The following CMYA5 variants were observed in gnomAD, a reference collection of about 807,000 sequenced individuals.
CMYA5 encodes cardiomyopathy-associated protein 5.
CMYA5 carries 246 observed loss-of-function variants against 318.9 expected under a neutral mutation model. The ratio of observed to expected loss-of-function variants is 0.77; its 90% confidence interval spans 0.70 to 0.86. The LOEUF (loss-of-function observed/expected upper bound fraction) is 0.86, where lower values mean the gene tolerates loss of function less well. Ranked by LOEUF, CMYA5 falls within the 40% of genes least tolerant of loss-of-function variation. The probability of loss-of-function intolerance (pLI) is 0.00; values close to 1 mark genes in which losing one functional copy is unlikely to be tolerated. For missense variants in CMYA5, 4,589 were observed against 4,678.2 expected (o/e 0.98, Z 0.56); for synonymous variants, 1,641 against 1,729.5 (o/e 0.95, Z 1.27).
chr5:79,757,256 T>A (rs1157814034), intron 6 of CMYA5, among the ~76,000 whole-genome samples: 1 of 152,162 alleles, frequency 6.6e-6, no homozygotes, highest in Non-Finnish European at 1.5e-5. Flanking sequence ...TCCTCTAATT[T>A]GTAAAATATG....
In CMYA5 at chr5:79,730,829, G is replaced by A. The variant is rs1827877414; in HGVS notation, c.2064G>A (p.Gly688=). The A allele has an allele frequency of 2.5e-6, 4 of 1,613,750 alleles. No individual in the cohort carries two copies. Among genetic ancestry groups the A allele is most frequent in the African/African-American group, 1.3e-5 (1 of 74,896 alleles). Residue 688 remains glycine, a synonymous_variant, in exon 2 of 13, where the codon GGG becomes GGA. Transcript: ENST00000446378. ...CAGGAGACGAGGCCTCAGAAAGTGG[G>A]TGTTACACACCAGACTCCACATCTG... The part of the protein sequence containing the change: ...VLSGDEASES[G]CYTPDSTSAS...
Position 79,732,893 on chromosome 5 carries a change from T to C in CMYA5, c.4128T>C (p.Asp1376=). The part of the protein sequence containing the change: ...TRAVKEEIPT[D]SSLITPVDRP... ...CAGTAAAAGAAGAAATCCCAACAGA[T>C]TCATCTCTTATCACTCCTGTAGATC... Residue 1376 remains aspartate, a synonymous_variant, in exon 2 of 13, where the codon GAT becomes GAC. Coordinates refer to ENST00000446378, the MANE Select transcript of CMYA5 (RefSeq NM_153610.5). 1 of 1,613,774 alleles carries C rather than the reference T, an allele frequency of 6.2e-7. No individual in the cohort carries two copies. Among genetic ancestry groups the C allele is most frequent in the Non-Finnish European group, 8.5e-7 (1 of 1,179,814 alleles).
chr5:79,765,899 T>C (rs1379208110), intron 9 of CMYA5, among the ~76,000 whole-genome samples: 1 of 152,178 alleles, frequency 6.6e-6, no homozygotes, highest in African/African-American at 2.4e-5. Flanking sequence ...GCTGAGATGA[T>C]GGGGTTTTCT....
intron 1 of CMYA5, among the ~76,000 whole-genome samples, chr5:79,708,865 C>T (rs545302879): frequency 1.3e-5 from 2 of 152,158 alleles, no homozygotes; most frequent in Non-Finnish European, 2.9e-5. Context: ...ACCTGGGAGG[C>T]GGAGGTTGCA....
intron 1 of CMYA5, among the ~76,000 whole-genome samples, chr5:79,702,233 C>CA (rs1227354597): frequency 4.6e-5 from 7 of 152,130 alleles, no homozygotes; most frequent in Admixed American, 1.3e-4. Flanking sequence ...CCTGTTTTTA[C>CA]AAAAAAATTT....
chr5:79,762,098 A>G (rs1034793944), intron 8 of CMYA5, 141 bp downstream of exon 8: 143 of 908,322 alleles, frequency 1.6e-4, no homozygotes, highest in Non-Finnish European at 8.6e-5. Context: ...ACGATGACTT[A>G]AGCCTGGGGT....
chr5:79,741,030 C>T (rs1828198398), intron 2 of CMYA5, among the ~76,000 whole-genome samples: 1 of 152,082 alleles, frequency 6.6e-6, no homozygotes, highest in Non-Finnish European at 1.5e-5. Flanking sequence ...CATGCACTGC[C>T]ACACTGGGTT....
chr5:79,743,783 T>A (rs1307361577), intron 2 of CMYA5, 44 bp from the exon 3 acceptor site: 5 of 1,070,968 alleles, frequency 4.7e-6, no homozygotes, highest in Admixed American at 2.6e-5. Flanking sequence ...GAAGTTCTCT[T>A]CCTAAATGTC....
intron 1 of CMYA5, among the ~76,000 whole-genome samples, chr5:79,706,475 C>G (rs976005580): frequency 6.6e-6 from 1 of 152,170 alleles, no homozygotes; most frequent in Non-Finnish European, 1.5e-5. Context: ...AGCTAGACAA[C>G]CGGTTAGACC....
chr5:79,735,802 T>A lies in CMYA5; in HGVS notation c.7037T>A (p.Val2346Asp). 6.4e-7 allele frequency: 1 copy of A among 1,551,426 alleles called. No homozygotes were observed. The highest frequency in any genetic ancestry group is 8.6e-7 in the Non-Finnish European group (1 of 1,157,508). Residue 2346 changes from valine to aspartate, a missense_variant, in exon 2 of 13, where the codon GTC becomes GAC. Coordinates refer to ENST00000446378, the MANE Select transcript of CMYA5 (RefSeq NM_153610.5). ...CCTCATGTTACTGATAGTAAAAGAG[T>A]CCAGAAGCCAGCAATCGCTCCTCCA... Reference protein sequence around the residue: ...VPPHVTDSKRVQKPAIAPPSK... With the variant: ...VPPHVTDSKRDQKPAIAPPSK...
chr5:79,730,724 C>G lies in CMYA5; in HGVS notation c.1959C>G (p.Leu653=). The G allele has an allele frequency of 6.2e-7, 1 of 1,613,904 alleles. No individual in the cohort carries two copies. The highest frequency in any genetic ancestry group is 1.1e-5 in the South Asian group (1 of 91,076). Residue 653 remains leucine (L), a synonymous_variant, in exon 2 of 13, where the codon CTC becomes CTG. Coordinates refer to ENST00000446378, the MANE Select transcript of CMYA5 (RefSeq NM_153610.5). ...CAGCCCCTACATCTGAGAGCTCTCT[C>G]TCACCATCCACAACTGAGAAGACTT... ...PAAAPTSESS[L]SPSTTEKTSE...
intron 5 of CMYA5, among the ~76,000 whole-genome samples, chr5:79,750,389 C>A (rs1828407481): frequency 6.6e-6 from 1 of 152,110 alleles, no homozygotes; most frequent in Admixed American, 6.5e-5. Flanking sequence ...TTAATCAACT[C>A]TTGAGGTTAT....
chr5:79,689,951 G>A lies in CMYA5; in HGVS notation c.44G>A (p.Gly15Asp). The A allele has an allele frequency of 9.2e-7, 1 of 1,092,370 alleles. No homozygotes were observed. Among genetic ancestry groups the A allele is most frequent in the Non-Finnish European group, 1.4e-6 (1 of 734,370 alleles). 67.7% of individuals were successfully genotyped at this position (1,092,370 alleles called of 1,614,324 possible). A position where few individuals can be genotyped will look rare whatever the true frequency, so the allele number is the denominator to read the frequency against. Residue 15 changes from glycine (G) to aspartate (D), a missense_variant, in exon 1 of 13, where the codon GGC becomes GAC. Physicochemically the swap from Gly to Asp is moderately conservative, Grantham distance 94. This residue lies in a region of CMYA5 where 2,132 missense variants were observed against 2,131.3 expected (regional missense o/e 1.00). Coordinates refer to ENST00000446378, the MANE Select transcript of CMYA5 (RefSeq NM_153610.5). ...DSNHAGESFL[G>D]SDGDEEATRE... ...AACCACGCTGGCGAGAGCTTTCTCG[G>A]CTCCGACGGGGACGAGGAGGCGACC...
At chr5:79,761,535 A>G (rs1828651476) in intron 7 of CMYA5, among the ~76,000 whole-genome samples, 1 of 152,204 alleles carries the variant, frequency 6.6e-6, no homozygotes, top group African/African-American at 2.4e-5. Context: ...GAAATAAGTT[A>G]CTTTAATTGT....
In CMYA5 at chr5:79,766,121, C is replaced by T. The variant is rs149185529; in HGVS notation, c.11555+2912C>T. 5.9e-3 allele frequency among the ~76,000 whole-genome samples: 902 copies of T among 152,134 alleles called. 10 individuals are homozygous for T. The highest frequency in any genetic ancestry group is 0.02 in the African/African-American group (825 of 41,496). On this transcript the variant is annotated intron_variant, in intron 9 of 12. Coordinates refer to ENST00000446378, the MANE Select transcript of CMYA5 (RefSeq NM_153610.5). ...TTTATTTATTTATTTATTTTTGAGA[C>T]GGGGTGTCCCTCTGTCAACCAAGCT...
chr5:79,745,514 TA>T, intron 4 of CMYA5, 59 bp downstream of exon 4: 1 of 1,034,158 alleles, frequency 9.7e-7, no homozygotes, highest in Non-Finnish European at 1.5e-6. Flanking sequence ...CATCTACTTT[TA>T]AAGCTTCATT....
In CMYA5 at chr5:79,758,838, A is replaced by C. The variant is rs1828587263; in HGVS notation, c.11196A>C (p.Glu3732Asp). The change falls in exon 7 of 13, where the codon GAA becomes GAC. Residue 3732 changes from glutamate to aspartate, a missense_variant. Physicochemically the swap from Glu to Asp is conservative, Grantham distance 45 (BLOSUM62 2). Around this residue, in one of 3 missense-constraint regions of CMYA5, gnomAD observed 2,431 missense variants for 2,495.1 expected, o/e 0.97. Coordinates refer to ENST00000446378, the MANE Select transcript of CMYA5 (RefSeq NM_153610.5). Reference sequence around the variant, plus strand: ...CAGTTTACTGGAGCATGAACAAGGAAGATGTCATTGATTCATTTCAGGTTT... The same window carrying C: ...CAGTTTACTGGAGCATGAACAAGGACGATGTCATTGATTCATTTCAGGTTT... ...TIAVYWSMNK[E>D]DVIDSFQVYC... The C allele has an allele frequency of 3.1e-6, 5 of 1,606,856 alleles. No homozygotes were observed. The highest frequency in any genetic ancestry group is 1.7e-5 in the Admixed American group (1 of 58,886).
chr5:79,714,531 G>A (rs1221573055), intron 1 of CMYA5, among the ~76,000 whole-genome samples: 1 of 144,306 alleles, frequency 6.9e-6, no homozygotes, highest in African/African-American at 2.6e-5. Context: ...TTGAACTCCT[G>A]GGCTCAAGCC....
At chr5:79,745,806 T>G (rs2151090701) in intron 4 of CMYA5, among the ~76,000 whole-genome samples, 1 of 152,332 alleles carries the variant, frequency 6.6e-6, no homozygotes, top group South Asian at 2.1e-4. Flanking sequence ...ATCCTCAGCC[T>G]GGCTCCTGGG....
Sources: allele counts gnomAD v4.1 joint callset (sites outside exome capture counted in the v4.1 genomes callset), GRCh38; gene constraint gnomAD v4.1.1; regional missense constraint gnomAD v4.1.1; transcripts MANE v1.5; gene names NCBI Gene and HGNC (gene_info 2026-07-23, HGNC 2026-07-21).